HDAC4: variants seen among roughly 807,000 people sequenced by gnomAD.
HDAC4 encodes the protein histone deacetylase 4.
HDAC4 carries 16 observed loss-of-function variants against 135.1 expected under a neutral mutation model. That is an observed-to-expected ratio of 0.12 (90% confidence interval 0.08 to 0.18). HDAC4 has a LOEUF of 0.18. Among genes scored for constraint, HDAC4 ranks in the 10% least tolerant of loss-of-function variants. HDAC4 has a pLI of 1.00. For missense variants in HDAC4, 1,143 were observed against 1,511.8 expected (o/e 0.76, Z 4.05); for synonymous variants, 685 against 653.4 (o/e 1.05, Z -0.74).
At chr2:239,179,839 G>C (rs2153010969) in intron 4 of HDAC4, among the ~76,000 whole-genome samples, 2 of 152,372 alleles carry the variant, frequency 1.3e-5, no homozygotes, top group Middle Eastern at 3.4e-3. Context: ...GGCGGCACAA[G>C]CCTTCTGCTA....
intron 2 of HDAC4, among the ~76,000 whole-genome samples, chr2:239,290,891 C>T (rs992060741): frequency 4.6e-5 from 7 of 152,162 alleles, no homozygotes; most frequent in Non-Finnish European, 8.8e-5. Context: ...TGGGTGGCTT[C>T]GCTCATTCAC....
In HDAC4 at chr2:239,363,663, C is replaced by T. The variant is rs147833916; in HGVS notation, c.-219-10745G>A. On this transcript the variant is annotated intron_variant, in intron 1 of 26. Coordinates refer to ENST00000543185, the MANE Select transcript of HDAC4 (RefSeq NM_001378414.1). The stretch of plus-strand genomic sequence containing the variant: ...AAAAGACAACAACAAAAAATATCTT[C>T]AGGTGGGCAAAGATAGACAGATGTT... Among the ~76,000 whole-genome samples the T allele has an allele frequency of 2.0e-3, 305 of 152,240 alleles. 2 individuals are homozygous for T. In the Middle Eastern group the frequency reaches 0.031, roughly 15 times the overall value.
In HDAC4 at chr2:239,108,264, T is replaced by C. The variant is rs555306512; in HGVS notation, c.1979-81A>G. Reference sequence around the variant, plus strand: ...CCACTGGCAGGCTGCCCCCGGGTGGTGGCGGAACCACCACTTCCCTAGAAG... The same window carrying C: ...CCACTGGCAGGCTGCCCCCGGGTGGCGGCGGAACCACCACTTCCCTAGAAG... On this transcript the variant is annotated intron_variant, in intron 14 of 26. Transcript: ENST00000543185. 21 of 1,515,284 alleles carry C rather than the reference T, an allele frequency of 1.4e-5. No homozygotes were observed. The African/African-American group carries it at 2.8e-4, about 20-fold the overall frequency. The allele number at this position is 1,515,284 out of a possible 1,614,324, so 93.9% of individuals were successfully genotyped here.
chr2:239,088,212 A>T (rs1050211933), intron 18 of HDAC4, among the ~76,000 whole-genome samples: 3 of 152,104 alleles, frequency 2.0e-5, no homozygotes, highest in Non-Finnish European at 4.4e-5. Context: ...CCATCTGCAA[A>T]CCACTCTGTA....
At chr2:239,177,038 T>C (rs1335751452) in intron 4 of HDAC4, among the ~76,000 whole-genome samples, 1 of 152,200 alleles carries the variant, frequency 6.6e-6, no homozygotes, top group African/African-American at 2.4e-5. Flanking sequence ...AGAATGTGCA[T>C]GGGAGCTCTG....
At chr2:239,198,030 T>TCCC (rs2045517828) in intron 3 of HDAC4, among the ~76,000 whole-genome samples, 2 of 152,002 alleles carry the variant, frequency 1.3e-5, no homozygotes, top group South Asian at 4.2e-4. Flanking sequence ...TTTCTCTCCC[T>TCCC]TCCTCCCTTC....
At chr2:239,310,164 G>A (rs766289403) in intron 2 of HDAC4, among the ~76,000 whole-genome samples, 10 of 152,230 alleles carry the variant, frequency 6.6e-5, no homozygotes, top group Non-Finnish European at 1.2e-4. Context: ...GGAGTGAACC[G>A]TTCTGCCCAA....
chr2:239,146,483 A>G lies in HDAC4; in HGVS notation c.734-1769T>C, dbSNP rs543207457. ...ATAGAGTGGGACACGTGGCATCGGG[A>G]GGCGGGCATGACATGGTCACTCCAG... On this transcript the variant is annotated intron_variant, in intron 7 of 26. Transcript: ENST00000543185. This position sits in a 1 kb window ranked among gnomAD's most constrained non-coding sequence, Gnocchi z 4.5. Among the ~76,000 whole-genome samples, 2 of 152,164 alleles carry G rather than the reference A, an allele frequency of 1.3e-5. No homozygotes were observed. Among genetic ancestry groups the G allele is most frequent in the South Asian group, 4.2e-4 (2 of 4,810 alleles).
chr2:239,379,123 G>A (rs930134854), intron 1 of HDAC4, among the ~76,000 whole-genome samples: 9 of 152,186 alleles, frequency 5.9e-5, no homozygotes, highest in African/African-American at 2.2e-4. Flanking sequence ...AGGGAGCCCA[G>A]GGGCAAGTCA....
intron 14 of HDAC4, among the ~76,000 whole-genome samples, chr2:239,109,654 T>A (rs2038489628): frequency 6.8e-6 from 1 of 147,582 alleles, no homozygotes; most frequent in African/African-American, 2.5e-5. Flanking sequence ...CTTACAGGAG[T>A]CAATGAAACT....
At chr2:239,143,176 G>A (rs1313876130) in intron 8 of HDAC4, among the ~76,000 whole-genome samples, 1 of 152,116 alleles carries the variant, frequency 6.6e-6, no homozygotes, top group African/African-American at 2.4e-5. Context: ...ACAGCACTCA[G>A]TAGTCACTGG....
intron 1 of HDAC4, among the ~76,000 whole-genome samples, chr2:239,373,263 T>C (rs1432264075): frequency 6.6e-6 from 1 of 152,118 alleles, no homozygotes; most frequent in African/African-American, 2.4e-5. Flanking sequence ...GGACACCATC[T>C]CTCTTGCCAT....
At chr2:239,168,482 G>A (rs1019437953) in intron 5 of HDAC4, among the ~76,000 whole-genome samples, 2 of 152,142 alleles carry the variant, frequency 1.3e-5, no homozygotes, top group Non-Finnish European at 2.9e-5. Context: ...AAATAAAAGT[G>A]CAGAATTATT....
chr2:239,389,419 G>A (rs1696048312), intron 1 of HDAC4, among the ~76,000 whole-genome samples: 1 of 152,150 alleles, frequency 6.6e-6, no homozygotes, highest in Admixed American at 6.5e-5. Context: ...CGAACCTGCT[G>A]GACAGAAGAA....
chr2:239,066,104 G>T (rs1469082235), intron 24 of HDAC4, among the ~76,000 whole-genome samples: 3 of 151,680 alleles, frequency 2.0e-5, no homozygotes, highest in African/African-American at 7.3e-5. Flanking sequence ...CCAGCGTCAT[G>T]CTGGAATGGA....
intron 5 of HDAC4, among the ~76,000 whole-genome samples, chr2:239,173,396 CA>C (rs1415986703): frequency 1.3e-5 from 2 of 152,118 alleles, no homozygotes; most frequent in South Asian, 4.2e-4. Flanking sequence ...CACATAAAGC[CA>C]AAAAATCATA....
chr2:239,345,855 AAC>A (rs1209603118), intron 2 of HDAC4, among the ~76,000 whole-genome samples: 2 of 125,862 alleles, frequency 1.6e-5, no homozygotes, highest in Admixed American at 8.1e-5. Context: ...CATGCACTCA[AAC>A]ACACACACCC....
intron 1 of HDAC4, among the ~76,000 whole-genome samples, chr2:239,376,957 G>A (rs1047534394): frequency 6.6e-6 from 1 of 152,048 alleles, no homozygotes; most frequent in African/African-American, 2.4e-5. Flanking sequence ...ATTGGAAGGG[G>A]AGCTATTCCA....
Position 239,189,865 on chromosome 2 carries a change from G to T in HDAC4, c.307C>A (p.Gln103Lys). The T allele has an allele frequency of 6.2e-7, 1 of 1,609,474 alleles. No homozygotes were observed. Among genetic ancestry groups the T allele is most frequent in the East Asian group, 2.2e-5 (1 of 44,822 alleles). ...FQRQHEQLSR[Q>K]HEAQLHEHIK... is the part of the protein sequence containing the mutation. ...TGCTCGTGGAGCTGCGCCTCGTGCT[G>T]CCGGGAGAGCTGCTCGTGCTGCCTC... The change falls in exon 4 of 27, where the codon CAG becomes AAG. Residue 103 changes from glutamine (Q) to lysine (K), a missense_variant. This residue lies in a region of HDAC4 where 247 missense variants were observed against 310.0 expected (regional missense o/e 0.80). Transcript: ENST00000543185.
Sources: allele counts gnomAD v4.1 joint callset (sites outside exome capture counted in the v4.1 genomes callset), GRCh38; gene constraint gnomAD v4.1.1; regional missense constraint gnomAD v4.1.1; non-coding constraint Gnocchi (gnomAD v3.1); transcripts MANE v1.5; gene names NCBI Gene and HGNC (gene_info 2026-07-23, HGNC 2026-07-21).